The following PAX3 variants were observed in gnomAD, a reference collection of about 807,000 sequenced individuals.
The protein encoded by PAX3 is paired box 3.
Under a neutral mutation model 51.6 loss-of-function variants are expected in PAX3, and 14 were observed. The observed-to-expected ratio is 0.27, with a 90% CI of 0.18 to 0.42. The LOEUF (loss-of-function observed/expected upper bound fraction) is 0.42. Ranked by LOEUF, PAX3 falls within the 10% of genes least tolerant of loss-of-function variation. The pLI, the probability that PAX3 is intolerant of heterozygous loss-of-function variation, is 1.00. For missense variants in PAX3, 540 were observed against 642.8 expected (o/e 0.84, Z 1.73); for synonymous variants, 280 against 253.4 (o/e 1.11, Z -1.00).
intron 7 of PAX3, among the ~76,000 whole-genome samples, chr2:222,209,528 AGGCTCTGT>A (rs1691638244): frequency 6.6e-6 from 1 of 151,894 alleles, no homozygotes; most frequent in Non-Finnish European, 1.5e-5. Flanking sequence ...TCTGTTTCAT[AGGCTCTGT>A]GGTAAGGCAG....
At chr2:222,254,766 T>A (rs1412063410) in intron 4 of PAX3, among the ~76,000 whole-genome samples, 2 of 152,198 alleles carry the variant, frequency 1.3e-5, no homozygotes, top group Non-Finnish European at 2.9e-5. Flanking sequence ...AGGCTCACTA[T>A]TAAGCTTTAC....
rs565554258 is a variant in PAX3, at chr2:222,298,820, G to T, written c.-205C>A. On this transcript the variant is annotated 5_prime_UTR_variant, in exon 1 of 9. Coordinates refer to ENST00000392070, the MANE Select transcript of PAX3 (RefSeq NM_181458.4). ...TGGAACCCGGGAAAGGGGAGGACGG[G>T]GAGGCCCCGGAGTCCAGGATCCCGA... The T allele has an allele frequency of 1.6e-6, 1 of 611,688 alleles. No individual in the cohort carries two copies. The highest frequency in any genetic ancestry group is 2.9e-6 in the Non-Finnish European group (1 of 341,478). The allele number at this position is 611,688 out of a possible 1,614,324, so 37.9% of individuals were successfully genotyped here.
intron 4 of PAX3, among the ~76,000 whole-genome samples, chr2:222,272,504 C>A (rs1490120426): frequency 6.6e-6 from 1 of 152,126 alleles, no homozygotes; most frequent in Non-Finnish European, 1.5e-5. Flanking sequence ...CCTGCTTAGG[C>A]CTTTACCGTG....
At chr2:222,230,492 C>T (rs985089240) in intron 5 of PAX3, among the ~76,000 whole-genome samples, 8 of 152,060 alleles carry the variant, frequency 5.3e-5, no homozygotes, top group Non-Finnish European at 1.2e-4. Flanking sequence ...AGCAAACCAC[C>T]ATGGCACGTG....
intron 4 of PAX3, among the ~76,000 whole-genome samples, chr2:222,240,261 T>C (rs10498134): frequency 0.43 from 64,866 of 151,862 alleles, 14,604 homozygotes; most frequent in East Asian, 0.83. Flanking sequence ...TGGGTGTTTG[T>C]TTAAGATAAG....
chr2:222,292,771 T>C (rs771498793), intron 4 of PAX3, among the ~76,000 whole-genome samples: 1 of 152,286 alleles, frequency 6.6e-6, no homozygotes, highest in Middle Eastern at 3.4e-3. Context: ...AAAAAGAGGA[T>C]TTAGGCTGAG....
At chr2:222,212,657 G>A (rs1037197690) in intron 7 of PAX3, among the ~76,000 whole-genome samples, 60 of 132,252 alleles carry the variant, frequency 4.5e-4, no homozygotes, top group African/African-American at 1.6e-3. Flanking sequence ...ACACACACAC[G>A]AATAGTATAC....
chr2:222,211,280 G>A (rs904610026), intron 7 of PAX3, among the ~76,000 whole-genome samples: 2 of 152,066 alleles, frequency 1.3e-5, no homozygotes, highest in East Asian at 1.9e-4. Flanking sequence ...TTTTAGTATC[G>A]TCTAAGTTGA....
At chr2:222,203,215 T>A (rs1691376727) in intron 7 of PAX3, among the ~76,000 whole-genome samples, 1 of 150,770 alleles carries the variant, frequency 6.6e-6, no homozygotes, top group Non-Finnish European at 1.5e-5. Flanking sequence ...CAACTCAAGA[T>A]CCCTGACCCT....
chr2:222,247,996 G>A (rs1274013390), intron 4 of PAX3, among the ~76,000 whole-genome samples: 2 of 152,052 alleles, frequency 1.3e-5, no homozygotes. Context: ...TCAATTACAT[G>A]TCAGAGCTTC....
intron 5 of PAX3, among the ~76,000 whole-genome samples, chr2:222,222,306 G>T (rs1401343939): frequency 3.3e-5 from 5 of 151,998 alleles, no homozygotes; most frequent in Admixed American, 1.3e-4. Flanking sequence ...TAGAACTTGG[G>T]GTGATTTTTC....
At chr2:222,214,328 A>C (rs1691868213) in intron 7 of PAX3, 1 of 152,218 alleles carries the variant, frequency 6.6e-6, no homozygotes, top group Non-Finnish European at 1.5e-5. Flanking sequence ...ACATATATGC[A>C]TGAAACGAAG....
chr2:222,242,403 C>T (rs1693049418), intron 4 of PAX3: 1 of 152,138 alleles, frequency 6.6e-6, no homozygotes, highest in African/African-American at 2.4e-5. Context: ...TCCGCCCAAT[C>T]CCTGTTCCCT....
intron 4 of PAX3, among the ~76,000 whole-genome samples, chr2:222,276,482 T>TG (rs1285565819): frequency 1.3e-5 from 2 of 152,164 alleles, no homozygotes; most frequent in Admixed American, 6.5e-5. Context: ...CCTGGCTGCC[T>TG]GGGGGCCCCA....
chr2:222,234,661 G>A (rs1013088283), intron 4 of PAX3, among the ~76,000 whole-genome samples: 2 of 152,110 alleles, frequency 1.3e-5, no homozygotes, highest in Admixed American at 6.6e-5. Context: ...ATTCCCAGGT[G>A]ATTGATGCTG....
At chr2:222,267,082 TCTAA>T (rs1215869293) in intron 4 of PAX3, among the ~76,000 whole-genome samples, 3 of 152,242 alleles carry the variant, frequency 2.0e-5, no homozygotes, top group Non-Finnish European at 4.4e-5. Flanking sequence ...TGCACATGAT[TCTAA>T]CTGATAGTTC....
At chr2:222,208,301 A>T (rs1691591592) in intron 7 of PAX3, among the ~76,000 whole-genome samples, 1 of 151,038 alleles carries the variant, frequency 6.6e-6, no homozygotes, top group African/African-American at 2.4e-5. Context: ...TATAGCAAAT[A>T]TTTTTTTTTT....
At chr2:222,249,448 C>T (rs1236226243) in intron 4 of PAX3, among the ~76,000 whole-genome samples, 1 of 152,158 alleles carries the variant, frequency 6.6e-6, no homozygotes, top group Non-Finnish European at 1.5e-5. Flanking sequence ...TCTTCAACTT[C>T]CAGAGTCCTA....
intron 3 of PAX3, 141 bp downstream of exon 3, chr2:222,295,387 T>C (rs1422059393): frequency 1.0e-6 from 1 of 977,078 alleles, no homozygotes; most frequent in Non-Finnish European, 1.6e-6. Context: ...GAACACCGGG[T>C]TGGCAAATAT....
Sources: gnomAD v4.1 joint callset for allele counts (sites outside exome capture counted in the v4.1 genomes callset) on GRCh38, gnomAD v4.1.1 for gene constraint, MANE v1.5 for transcripts, NCBI Gene and HGNC (gene_info 2026-07-23, HGNC 2026-07-21) for gene names.